The following ARHGAP25 variants were observed in gnomAD, a reference collection of about 807,000 sequenced individuals.
The protein encoded by ARHGAP25 is Rho GTPase activating protein 25, also known as rho GTPase-activating protein 25.
In ARHGAP25, 34 loss-of-function variants were observed where a neutral mutation model predicts 71.0. That is an observed-to-expected ratio of 0.48 (90% CI 0.36 to 0.64). The LOEUF (loss-of-function observed/expected upper bound fraction) is 0.64. Among genes scored for constraint, ARHGAP25 ranks in the 30% least tolerant of loss-of-function variants. The probability of loss-of-function intolerance (pLI) is 0.00; values close to 1 mark genes in which losing one functional copy is unlikely to be tolerated. For synonymous variants in ARHGAP25, 282 were observed against 296.5 expected (o/e 0.95, Z 0.50); for missense variants, 706 against 805.1 (o/e 0.88, Z 1.49).
At chr2:68,803,074 A>G (rs1481456040) in intron 4 of ARHGAP25, among the ~76,000 whole-genome samples, 1 of 152,128 alleles carries the variant, frequency 6.6e-6, no homozygotes, top group Non-Finnish European at 1.5e-5. Context: ...TTTATAGGTG[A>G]TATCTAAATG....
At chr2:68,727,992 GA>G (rs1674924217) in intron 2 of ARHGAP25, among the ~76,000 whole-genome samples, 1 of 152,172 alleles carries the variant, frequency 6.6e-6, no homozygotes, top group African/African-American at 2.4e-5. Flanking sequence ...GAAGTACATA[GA>G]AAAAAGTCTG....
chr2:68,747,818 C>T (rs1321851640), intron 1 of ARHGAP25, among the ~76,000 whole-genome samples: 1 of 152,156 alleles, frequency 6.6e-6, no homozygotes, highest in Non-Finnish European at 1.5e-5. Context: ...AGATCTAATC[C>T]ACCAGAAAAG....
intron 1 of ARHGAP25, among the ~76,000 whole-genome samples, chr2:68,743,900 G>C (rs1379592798): frequency 6.6e-6 from 1 of 152,160 alleles, no homozygotes; most frequent in African/African-American, 2.4e-5. Context: ...CTGTAATTGT[G>C]TTAGGTGCTT....
chr2:68,787,410 A>G (rs1284788771), intron 3 of ARHGAP25, among the ~76,000 whole-genome samples: 1 of 152,200 alleles, frequency 6.6e-6, no homozygotes, highest in Non-Finnish European at 1.5e-5. Flanking sequence ...TGAGGTTGTC[A>G]TCTCCTACCC....
intron 2 of ARHGAP25, among the ~76,000 whole-genome samples, chr2:68,717,021 G>T (rs1321043485): frequency 6.6e-6 from 1 of 152,200 alleles, no homozygotes; most frequent in Admixed American, 6.5e-5. Context: ...GAAATAGGTT[G>T]TTAGGTGATT....
intron 4 of ARHGAP25, among the ~76,000 whole-genome samples, chr2:68,795,287 G>A (rs947086884): frequency 1.3e-5 from 2 of 151,858 alleles, no homozygotes; most frequent in Non-Finnish European, 2.9e-5. Context: ...TCTGACCTTT[G>A]TTATTTCTTT....
chr2:68,775,863 T>C (rs1677859818), intron 2 of ARHGAP25: 2 of 350,564 alleles, frequency 5.7e-6, no homozygotes, highest in South Asian at 4.3e-5. Context: ...ATCTCTTCCA[T>C]ATGCAGCTTA....
At chr2:68,710,718 C>T (rs186793879) in intron 2 of ARHGAP25, 5 of 152,346 alleles carry the variant, frequency 3.3e-5, no homozygotes, top group Non-Finnish European at 7.3e-5. Flanking sequence ...AGCTCCTTCT[C>T]AGAAGGTCAG....
At chr2:68,720,105 G>T (rs897063364) in intron 2 of ARHGAP25, among the ~76,000 whole-genome samples, 1 of 152,000 alleles carries the variant, frequency 6.6e-6, no homozygotes, top group East Asian at 1.9e-4. Context: ...GACTGATCAG[G>T]GTTCTTTTCT....
chr2:68,788,108 G>A (rs1374329117), intron 4 of ARHGAP25, 152 bp downstream of exon 4: 4 of 656,440 alleles, frequency 6.1e-6, no homozygotes, highest in Non-Finnish European at 1.1e-5. Context: ...TCTGTCAAAT[G>A]TGGAGGAAAA....
chr2:68,763,483 G>A lies in ARHGAP25; in HGVS notation c.62-11738G>A, dbSNP rs537817575. Among the ~76,000 whole-genome samples the A allele has an allele frequency of 6.6e-5, 10 of 151,704 alleles. No individual in the cohort carries two copies. In the South Asian group the frequency reaches 8.3e-4, roughly 13 times the overall value. ...TTCAATTCTTCCCTCCCCTTTTTTC[G>A]GTTTGAGATACACTTTAACACCTAA... is the stretch of plus-strand genomic sequence containing the variant. On this transcript the variant is annotated intron_variant, in intron 1 of 10. Coordinates refer to ENST00000409202, the MANE Select transcript of ARHGAP25 (RefSeq NM_001007231.3).
intron 1 of ARHGAP25, among the ~76,000 whole-genome samples, chr2:68,745,585 C>T (rs187497198): frequency 6.6e-6 from 1 of 152,298 alleles, no homozygotes; most frequent in African/African-American, 2.4e-5. Flanking sequence ...AACTGGACAG[C>T]TGAACATCGC....
At chr2:68,770,180 G>A (rs1677393580) in intron 1 of ARHGAP25, among the ~76,000 whole-genome samples, 1 of 152,120 alleles carries the variant, frequency 6.6e-6, no homozygotes, top group Admixed American at 6.5e-5. Context: ...AATGGTAGAG[G>A]TGAGAAGGGG....
chr2:68,812,710 C>T (rs1336660364), intron 5 of ARHGAP25, among the ~76,000 whole-genome samples: 1 of 152,154 alleles, frequency 6.6e-6, no homozygotes, highest in East Asian at 1.9e-4. Context: ...GGCCAGGGCT[C>T]CATCCCTGGA....
chr2:68,803,601 A>G (rs997518858), intron 4 of ARHGAP25, among the ~76,000 whole-genome samples: 1 of 152,132 alleles, frequency 6.6e-6, no homozygotes, highest in Non-Finnish European at 1.5e-5. Flanking sequence ...CCCACGTGGG[A>G]TCTTTCAATT....
At chr2:68,715,904 C>G (rs1439988276) in intron 2 of ARHGAP25, among the ~76,000 whole-genome samples, 1 of 152,154 alleles carries the variant, frequency 6.6e-6, no homozygotes, top group Admixed American at 6.5e-5. Context: ...ATTACATGAA[C>G]AGGTGAGGGC....
rs1679054626 is a variant in ARHGAP25, at chr2:68,790,045, C to T, written c.466+2089C>T. On this transcript the variant is annotated intron_variant, in intron 4 of 10. Transcript: ENST00000409202. The stretch of plus-strand genomic sequence containing the variant: ...ACTCTGTCTCCCAGACTGGAGTGCA[C>T]TGGCATGATCTCGGCTCACTGCAAC... Among the ~76,000 whole-genome samples the T allele has an allele frequency of 3.9e-5, 6 of 152,264 alleles. 1 individual carries two copies. In the South Asian group the frequency reaches 1.2e-3, roughly 32 times the overall value.
At chr2:68,816,437 C>T in intron 7 of ARHGAP25, 75 bp downstream of exon 7, 2 of 1,235,314 alleles carry the variant, frequency 1.6e-6, no homozygotes. Flanking sequence ...AGAGGAGGGA[C>T]CACGTCTGTG....
At chr2:68,764,186 T>A (rs1676993089) in intron 1 of ARHGAP25, among the ~76,000 whole-genome samples, 2 of 152,254 alleles carry the variant, frequency 1.3e-5, no homozygotes, top group Non-Finnish European at 2.9e-5. Context: ...TTGTGTGGCA[T>A]GAATCAGTCC....
Sources: gnomAD v4.1 joint callset for allele counts (sites outside exome capture counted in the v4.1 genomes callset) on GRCh38, gnomAD v4.1.1 for gene constraint, MANE v1.5 for transcripts, NCBI Gene and HGNC (gene_info 2026-07-23, HGNC 2026-07-21) for gene names.